EPB41L3: variants seen among roughly 807,000 people sequenced by gnomAD.
EPB41L3 encodes erythrocyte membrane protein band 4.1 like 3, also known as band 4.1-like protein 3.
In EPB41L3, 57 loss-of-function variants were observed where a neutral mutation model predicts 127.1. The observed-to-expected ratio is 0.45, with a 90% CI of 0.36 to 0.56. EPB41L3 has a LOEUF of 0.56. EPB41L3 is among the 20% of genes least tolerant of loss of function. The probability of loss-of-function intolerance (pLI) is 0.00; values close to 1 mark genes in which losing one functional copy is unlikely to be tolerated. For synonymous variants in EPB41L3, 572 were observed against 549.5 expected (o/e 1.04, Z -0.57); for missense variants, 1,273 against 1,372.2 (o/e 0.93, Z 1.14).
At chr18:5,491,334 TCAA>T (rs1386467115) in intron 1 of EPB41L3, among the ~76,000 whole-genome samples, 5 of 152,132 alleles carry the variant, frequency 3.3e-5, no homozygotes, top group Non-Finnish European at 7.3e-5. Flanking sequence ...AAGGCAGAAA[TCAA>T]CAACTTTAGC....
chr18:5,507,321 T>C (rs1270981323), intron 1 of EPB41L3, among the ~76,000 whole-genome samples: 1 of 152,194 alleles, frequency 6.6e-6, no homozygotes, highest in Non-Finnish European at 1.5e-5. Flanking sequence ...TAGTTTATAA[T>C]TAGCAGTAAG....
intron 3 of EPB41L3, among the ~76,000 whole-genome samples, chr18:5,603,917 A>G (rs2094618385): frequency 6.6e-6 from 1 of 152,154 alleles, no homozygotes; most frequent in Admixed American, 6.5e-5. Context: ...GGGTAAGAAA[A>G]GTAAAAGTTA....
At chr18:5,519,100 G>T (rs181012459) in intron 1 of EPB41L3, among the ~76,000 whole-genome samples, 100 of 152,332 alleles carry the variant, frequency 6.6e-4, no homozygotes, top group Non-Finnish European at 1.0e-3. Context: ...CAGGGAAAAT[G>T]ACTCATCCTA....
intron 16 of EPB41L3, among the ~76,000 whole-genome samples, chr18:5,403,496 T>C (rs1233384785): frequency 6.6e-6 from 1 of 151,486 alleles, no homozygotes; most frequent in East Asian, 1.9e-4. Flanking sequence ...ATTTAACTAC[T>C]ATAGATACAA....
At chr18:5,630,282 G>A (rs1033194708), upstream of EPB41L3, 9 of 489,966 alleles carry the variant, frequency 1.8e-5, no homozygotes, top group Admixed American at 1.9e-4. Flanking sequence ...TCGACCTCGA[G>A]CCAAGGGCAG....
chr18:5,510,437 A>T (rs117387997), intron 1 of EPB41L3, among the ~76,000 whole-genome samples: 1 of 152,118 alleles, frequency 6.6e-6, no homozygotes, highest in African/African-American at 2.4e-5. Context: ...CAGCTGAGAT[A>T]AAAAAACAAA....
intron 12 of EPB41L3, among the ~76,000 whole-genome samples, chr18:5,419,374 A>G (rs935886370): frequency 5.3e-5 from 8 of 152,232 alleles, no homozygotes; most frequent in African/African-American, 1.9e-4. Context: ...AGAAACAAAG[A>G]AAACAGCTTT....
chr18:5,594,844 A>G (rs930597268), intron 3 of EPB41L3, among the ~76,000 whole-genome samples: 6 of 152,234 alleles, frequency 3.9e-5, no homozygotes, highest in Non-Finnish European at 8.8e-5. Context: ...GTTGGATTAC[A>G]TAAGATTATC....
chr18:5,532,698 G>A (rs1258590599), intron 1 of EPB41L3, among the ~76,000 whole-genome samples: 1 of 152,156 alleles, frequency 6.6e-6, no homozygotes, highest in Non-Finnish European at 1.5e-5. Flanking sequence ...AATATTTGGA[G>A]AAGAGATCAT....
intron 1 of EPB41L3, among the ~76,000 whole-genome samples, chr18:5,528,587 C>G (rs1049384098): frequency 6.6e-6 from 1 of 152,036 alleles, no homozygotes; most frequent in African/African-American, 2.4e-5. Context: ...ATTCCTGCAT[C>G]CACTAGCTTC....
At chr18:5,483,295 AG>A (rs1330185084) in intron 2 of EPB41L3, among the ~76,000 whole-genome samples, 1 of 152,116 alleles carries the variant, frequency 6.6e-6, no homozygotes, top group Non-Finnish European at 1.5e-5. Context: ...TGTATCTATA[AG>A]ATGTTTCTGG....
chr18:5,496,313 G>A (rs1465434004), intron 1 of EPB41L3, among the ~76,000 whole-genome samples: 2 of 152,162 alleles, frequency 1.3e-5, no homozygotes, highest in South Asian at 4.1e-4. Flanking sequence ...AAATGCCAGC[G>A]CATAAATTTG....
At chr18:5,402,178 A>C (rs1598469569) in intron 16 of EPB41L3, among the ~76,000 whole-genome samples, 1 of 150,708 alleles carries the variant, frequency 6.6e-6, no homozygotes, top group Non-Finnish European at 1.5e-5. Flanking sequence ...AAAAAAAAAA[A>C]CCCAACAACA....
intron 1 of EPB41L3, among the ~76,000 whole-genome samples, chr18:5,527,865 G>A (rs1618055): frequency 0.24 from 35,958 of 152,000 alleles, 4,439 homozygotes; most frequent in African/African-American, 0.29. Context: ...TGCATAAAGC[G>A]TCCAGTCTTC....
rs756830317 is a variant in EPB41L3 at position 5,478,253 on chromosome 18, G to A, written c.369C>T (p.Thr123=). The A allele has an allele frequency of 1.7e-5, 27 of 1,613,722 alleles. No homozygotes were observed. The highest frequency in any genetic ancestry group is 1.6e-4 in the Middle Eastern group (1 of 6,078). The change falls in exon 3 of 23, where the codon ACC becomes ACT. Residue 123 remains threonine (T), a synonymous_variant. Transcript: ENST00000341928. ...GACACACACTTACCTCTACATCACA[G>A]GTATATTCTGATCCATCGAGAAGTA... ...KVILLDGSEY[T]CDVEKRSRGQ...
Position 5,434,901 on chromosome 18 carries a change from TC to T in EPB41L3, c.606-781del, listed in dbSNP as rs2079538130. ...GAGGTATCAGAAGAAGACACTGTTA[TC>T]CTAGGAGATGACAGCTTCATGTGTG... On this transcript the variant is annotated intron_variant, in intron 6 of 22. Coordinates refer to ENST00000341928, the MANE Select transcript of EPB41L3 (RefSeq NM_012307.5). Among the ~76,000 whole-genome samples the T allele has an allele frequency of 2.6e-5, 4 of 152,350 alleles. No homozygotes were observed. The South Asian group carries it at 8.3e-4, about 32-fold the overall frequency.
At chr18:5,437,708 C>T (rs2080067066) in intron 6 of EPB41L3, among the ~76,000 whole-genome samples, 2 of 152,114 alleles carry the variant, frequency 1.3e-5, no homozygotes, top group Admixed American at 6.5e-5. Context: ...AGTATTAAAG[C>T]AGAAAAACTA....
chr18:5,502,593 T>C (rs2091840029), intron 1 of EPB41L3, among the ~76,000 whole-genome samples: 2 of 152,178 alleles, frequency 1.3e-5, no homozygotes, highest in Non-Finnish European at 1.5e-5. Context: ...GTTCAGAGGG[T>C]TCCTCAAACA....
In EPB41L3 at chr18:5,406,981, C is replaced by T. The variant is rs767852549; in HGVS notation, c.2158-13G>A. 4 of 1,609,640 alleles carry T rather than the reference C, an allele frequency of 2.5e-6. No individual in the cohort carries two copies. The highest frequency in any genetic ancestry group is 2.6e-6 in the Non-Finnish European group (3 of 1,175,908). On this transcript the variant is annotated splice_polypyrimidine_tract_variant and intron_variant, in intron 15 of 22. Transcript: ENST00000341928. ...TTTTTTCTAGCTCCTATATTCAGAA[C>T]ATAAAGTATCCAACAGTCAATGTTT...
Sources: allele counts gnomAD v4.1 joint callset (sites outside exome capture counted in the v4.1 genomes callset), GRCh38; gene constraint gnomAD v4.1.1; transcripts MANE v1.5; gene names NCBI Gene and HGNC (gene_info 2026-07-23, HGNC 2026-07-21).